ESRRG: variants seen among roughly 807,000 people sequenced by gnomAD.
ESRRG encodes the protein estrogen related receptor gamma, also known as estrogen-related receptor gamma.
In ESRRG, 13 loss-of-function variants were observed where a neutral mutation model predicts 44.0. The ratio of observed to expected loss-of-function variants is 0.30; its 90% confidence interval spans 0.19 to 0.47. ESRRG has a LOEUF of 0.47. Ranked by LOEUF, ESRRG falls within the 20% of genes least tolerant of loss-of-function variation. The pLI is 1.00. For missense variants in ESRRG, 395 were observed against 580.6 expected (o/e 0.68, Z 3.29); for synonymous variants, 215 against 214.6 (o/e 1.00, Z -0.02).
intron 2 of ESRRG, among the ~76,000 whole-genome samples, chr1:216,673,485 A>G (rs2075573384): frequency 6.6e-6 from 1 of 152,212 alleles, no homozygotes; most frequent in African/African-American, 2.4e-5. Context: ...GGACAGTGAC[A>G]TCTCTGTCTC....
At chr1:216,845,093 A>T (rs1177309684) in intron 2 of ESRRG, among the ~76,000 whole-genome samples, 1 of 152,140 alleles carries the variant, frequency 6.6e-6, no homozygotes, top group African/African-American at 2.4e-5. Flanking sequence ...TTTTTTAGTA[A>T]GACAACCAAC....
intron 1 of ESRRG, among the ~76,000 whole-genome samples, chr1:216,986,421 G>A (rs947380315): frequency 6.6e-6 from 1 of 152,044 alleles, no homozygotes; most frequent in African/African-American, 2.4e-5. Context: ...TCATAGATGA[G>A]AGAAGGTTTG....
rs748872608 is a variant in ESRRG at position 216,723,242 on chromosome 1, A to T, written c.56+2T>A. On this transcript the variant is annotated splice_donor_variant, in intron 1 of 6. Transcript: ENST00000408911. LOFTEE classifies it high-confidence loss of function. ...TAAAAAGGAAAGAAAAAAGGTACCT[A>T]CTCTTCCTCGTAGTGCAGGGAAAAA... 6.2e-7 allele frequency: 1 copy of T among 1,612,326 alleles called. No homozygotes were observed.
intron 2 of ESRRG, among the ~76,000 whole-genome samples, chr1:216,925,243 C>T (rs1050866478): frequency 1.3e-5 from 2 of 151,894 alleles, no homozygotes; most frequent in Non-Finnish European, 2.9e-5. Context: ...TCAAGACCAG[C>T]CTGGCCAACA....
chr1:216,927,334 T>C (rs1347684592), intron 2 of ESRRG, among the ~76,000 whole-genome samples: 3 of 152,018 alleles, frequency 2.0e-5, no homozygotes, highest in African/African-American at 7.3e-5. Context: ...AATAATAGAC[T>C]ACAAGGGAGG....
intron 3 of ESRRG, among the ~76,000 whole-genome samples, chr1:216,576,735 T>C (rs1364736161): frequency 6.6e-6 from 1 of 152,010 alleles, no homozygotes; most frequent in Non-Finnish European, 1.5e-5. Flanking sequence ...ACAAAATATT[T>C]AACAGGAGAG....
intron 1 of ESRRG, among the ~76,000 whole-genome samples, chr1:217,070,507 A>C (rs1273341177): frequency 6.6e-6 from 1 of 151,746 alleles, no homozygotes; most frequent in Non-Finnish European, 1.5e-5. Flanking sequence ...TCAGCCTCCC[A>C]GTAGCTGGGA....
intron 1 of ESRRG, among the ~76,000 whole-genome samples, chr1:217,118,645 C>T (rs2092771626): frequency 1.3e-5 from 2 of 151,984 alleles, no homozygotes; most frequent in African/African-American, 4.8e-5. Context: ...ATTTTTTGGC[C>T]TCAGTTATCT....
chr1:216,916,454 T>A (rs1377678700), intron 2 of ESRRG, among the ~76,000 whole-genome samples: 1 of 152,228 alleles, frequency 6.6e-6, no homozygotes, highest in African/African-American at 2.4e-5. Context: ...ATTAGTTTGA[T>A]AATTCTAAAT....
chr1:216,523,492 T>G (rs1032128637), intron 5 of ESRRG, among the ~76,000 whole-genome samples: 1 of 90,970 alleles, frequency 1.1e-5, no homozygotes, highest in African/African-American at 3.4e-5. Flanking sequence ...CAAGCACTGT[T>G]TTTTTTTTTG....
chr1:216,913,111 C>CAAA (rs36067159), intron 2 of ESRRG, among the ~76,000 whole-genome samples: 11 of 62,738 alleles, frequency 1.8e-4, no homozygotes, highest in African/African-American at 3.2e-4. Flanking sequence ...GACTCTGTCT[C>CAAA]AAAAAAAAAA....
intron 5 of ESRRG, among the ~76,000 whole-genome samples, chr1:216,545,229 TG>T (rs1399594233): frequency 3.6e-5 from 5 of 140,420 alleles, no homozygotes; most frequent in South Asian, 2.2e-4. Context: ...TTAATTTTTA[TG>T]TTTTTTTTTT....
intron 2 of ESRRG, among the ~76,000 whole-genome samples, chr1:216,901,171 G>T (rs909853716): frequency 1.3e-5 from 2 of 151,982 alleles, no homozygotes; most frequent in African/African-American, 2.4e-5. Context: ...GTGTGCATGG[G>T]GGGTGGGGGT....
chr1:216,944,314 A>G (rs2065734764), intron 1 of ESRRG, among the ~76,000 whole-genome samples: 1 of 152,200 alleles, frequency 6.6e-6, no homozygotes, highest in African/African-American at 2.4e-5. Flanking sequence ...AAGATCCTTG[A>G]GTCTAGCACT....
At chr1:217,013,940 C>T (rs1343080619) in intron 1 of ESRRG, among the ~76,000 whole-genome samples, 2 of 152,088 alleles carry the variant, frequency 1.3e-5, no homozygotes, top group African/African-American at 2.4e-5. Flanking sequence ...GCAAGAGGAA[C>T]AAGATATGAA....
chr1:217,037,105 A>G (rs925872837), intron 1 of ESRRG, among the ~76,000 whole-genome samples: 1 of 152,200 alleles, frequency 6.6e-6, no homozygotes, highest in Non-Finnish European at 1.5e-5. Flanking sequence ...CTCCCTGATA[A>G]CAAATATTCA....
intron 1 of ESRRG, among the ~76,000 whole-genome samples, chr1:217,030,488 G>A (rs1015825686): frequency 6.6e-6 from 1 of 152,178 alleles, no homozygotes; most frequent in Non-Finnish European, 1.5e-5. Context: ...CTGAGTTATA[G>A]TATGAGGTCT....
intron 5 of ESRRG, among the ~76,000 whole-genome samples, chr1:216,554,279 C>T (rs1278696676): frequency 6.6e-6 from 1 of 151,938 alleles, no homozygotes; most frequent in East Asian, 1.9e-4. Context: ...CATGGTGAAA[C>T]TCCTCCTCTA....
intron 3 of ESRRG, among the ~76,000 whole-genome samples, chr1:216,573,208 A>G (rs574881343): frequency 6.6e-6 from 1 of 152,090 alleles, no homozygotes; most frequent in Admixed American, 6.6e-5. Flanking sequence ...AAGGTTTTCA[A>G]CTGTAATAAC....
Sources: allele counts gnomAD v4.1 joint callset (sites outside exome capture counted in the v4.1 genomes callset), GRCh38; gene constraint gnomAD v4.1.1; transcripts MANE v1.5; gene names NCBI Gene and HGNC (gene_info 2026-07-23, HGNC 2026-07-21).